GALNT14: variants seen among roughly 807,000 people sequenced by gnomAD.
The protein encoded by GALNT14 is polypeptide N-acetylgalactosaminyltransferase 14, also known as UDP-GalNAc:polypeptide N-acetylgalactosaminyltransferase 14.
In GALNT14, 60 loss-of-function variants were observed where a neutral mutation model predicts 77.5. The ratio of observed to expected loss-of-function variants is 0.77; its 90% CI spans 0.63 to 0.96. The LOEUF (loss-of-function observed/expected upper bound fraction) is 0.96. Among genes scored for constraint, GALNT14 ranks in the 40% least tolerant of loss-of-function variants. The pLI is 0.00. For synonymous variants in GALNT14, 280 were observed against 281.7 expected, an observed-to-expected ratio of 0.99 and a Z score of 0.06; for missense variants, 710 against 731.0, an observed-to-expected ratio of 0.97 and a Z score of 0.33.
chr2:30,942,855 G>C (rs1025224473), intron 8 of GALNT14, among the ~76,000 whole-genome samples: 2 of 152,164 alleles, frequency 1.3e-5, no homozygotes, highest in African/African-American at 4.8e-5. Flanking sequence ...ATATGCTGGA[G>C]TCCTAACTCC....
chr2:31,038,406 T>A (rs1435173537), intron 1 of GALNT14, among the ~76,000 whole-genome samples: 1 of 152,040 alleles, frequency 6.6e-6, no homozygotes, highest in East Asian at 1.9e-4. Context: ...ACCATTGATA[T>A]TTTTGACAAA....
downstream of GALNT14, among the ~76,000 whole-genome samples, chr2:30,906,740 A>G (rs1664154507): frequency 6.6e-6 from 1 of 152,174 alleles, no homozygotes. Context: ...CTCCACCCCA[A>G]ATCAACAGAA....
At chr2:30,968,124 TG>T (rs1458090695) in intron 2 of GALNT14, among the ~76,000 whole-genome samples, 1 of 152,244 alleles carries the variant, frequency 6.6e-6, no homozygotes, top group Non-Finnish European at 1.5e-5. Context: ...CTCCTCAACT[TG>T]ACTGTGAGTT....
chr2:31,064,969 T>C lies in GALNT14; in HGVS notation c.130-71962A>G, dbSNP rs1245264047. Among the ~76,000 whole-genome samples the C allele has an allele frequency of 1.3e-4, 19 of 150,732 alleles. No individual in the cohort carries two copies. In the Admixed American group the frequency reaches 1.3e-3, roughly 10 times the overall value. Reference sequence around the variant, plus strand: ...TTAAAGTGATTTGTCTCCTCCCTCCTTGCTGGCAGATGAAGCGCTCACACT... The same window carrying C: ...TTAAAGTGATTTGTCTCCTCCCTCCCTGCTGGCAGATGAAGCGCTCACACT... On this transcript the variant is annotated intron_variant, in intron 1 of 14. Transcript: ENST00000349752.
intron 3 of GALNT14, among the ~76,000 whole-genome samples, chr2:30,965,057 T>C (rs1427445792): frequency 6.6e-6 from 1 of 152,094 alleles, no homozygotes; most frequent in South Asian, 2.1e-4. Flanking sequence ...CCGCGTTTCA[T>C]GGGGACATGG....
intron 13 of GALNT14, among the ~76,000 whole-genome samples, chr2:30,914,747 A>T (rs1664572971): frequency 6.6e-6 from 1 of 152,238 alleles, no homozygotes; most frequent in Admixed American, 6.5e-5. Flanking sequence ...CTAGAGACAC[A>T]GTCCACCCTC....
chr2:30,932,129 GC>G lies in GALNT14; in HGVS notation c.996del (p.His333ThrfsTer20), dbSNP rs771414437. ...SLEIVPCSRV[G>X]HVFRKKHPYV... ...TAGGGGTGCTTCTTCCGGAAGACGT[GC>G]CCCACTCGGCTGCAGGGGACGATCT... On this transcript the variant is annotated frameshift_variant, in exon 10 of 15. Transcript: ENST00000349752. LOFTEE classifies it high-confidence loss of function. The G allele has an allele frequency of 7.0e-6, 11 of 1,572,958 alleles. No individual in the cohort carries two copies. The highest frequency in any genetic ancestry group is 1.2e-5 in the South Asian group (1 of 85,656).
chr2:30,929,553 G>T lies in GALNT14; in HGVS notation c.1059-66C>A. On this transcript the variant is annotated intron_variant, in intron 10 of 14. Coordinates refer to ENST00000349752, the MANE Select transcript of GALNT14 (RefSeq NM_024572.4). ...TGTCTGAGAGGCCCTGTGAGTGCCA[G>T]TTAAAATACACATGTGTGGGCTGAG... is the stretch of plus-strand genomic sequence containing the variant. 4 of 1,199,048 alleles carry T rather than the reference G, an allele frequency of 3.3e-6. No individual in the cohort carries two copies. The South Asian group carries it at 5.2e-5, about 15-fold the overall frequency. 74.3% of individuals were successfully genotyped at this position (1,199,048 alleles called of 1,614,324 possible). A position where few individuals can be genotyped will look rare whatever the true frequency, so the allele number is the denominator to read the frequency against.
intron 2 of GALNT14, among the ~76,000 whole-genome samples, chr2:30,977,706 G>T (rs1324579373): frequency 6.6e-6 from 1 of 152,002 alleles, no homozygotes; most frequent in Non-Finnish European, 1.5e-5. Flanking sequence ...GAGGGTCAAG[G>T]GTCCTATGCC....
At position 30,912,347 on chromosome 2, in the gene GALNT14, G is replaced by A; in HGVS notation, c.1381-5C>T. ...GGTGTATGTGAAGGCCCATACCTGG[G>A]GAGAAAGAGACCAGGAAGGTTTGTT... On this transcript the variant is annotated splice_region_variant and splice_polypyrimidine_tract_variant and intron_variant, in intron 13 of 14. Coordinates refer to ENST00000349752, the MANE Select transcript of GALNT14 (RefSeq NM_024572.4). 1 of 1,613,654 alleles carries A rather than the reference G, an allele frequency of 6.2e-7. No homozygotes were observed. The highest frequency in any genetic ancestry group is 1.3e-5 in the African/African-American group (1 of 75,006).
At chr2:31,058,139 A>T (rs1033031159) in intron 1 of GALNT14, among the ~76,000 whole-genome samples, 2 of 152,108 alleles carry the variant, frequency 1.3e-5, no homozygotes. Flanking sequence ...AGTCCTTTCC[A>T]TGAAAGTCCC....
At chr2:31,076,629 A>ATATATATATATATATATTTTT (rs1553373502) in intron 1 of GALNT14, among the ~76,000 whole-genome samples, 3 of 101,892 alleles carry the variant, frequency 2.9e-5, no homozygotes, top group African/African-American at 9.3e-5. Flanking sequence ...ATATATATAT[A>ATATATATATATATATATTTTT]TTTTTTTTTT....
intron 12 of GALNT14, among the ~76,000 whole-genome samples, 154 bp downstream of exon 12, chr2:30,924,586 T>A (rs755699386): frequency 3.3e-5 from 5 of 152,026 alleles, no homozygotes; most frequent in Non-Finnish European, 5.9e-5. Context: ...TCCCTCCGGG[T>A]TTTAGGGGTG....
chr2:31,076,629 ATTTTTTTTTTTTT>A (rs35108670), intron 1 of GALNT14, among the ~76,000 whole-genome samples: 2 of 101,892 alleles, frequency 2.0e-5, no homozygotes, highest in African/African-American at 6.2e-5. Context: ...ATATATATAT[ATTTTTTTTTTTTT>A]TACATGTACA....
intron 1 of GALNT14, among the ~76,000 whole-genome samples, chr2:31,014,558 C>A (rs1206629378): frequency 6.6e-6 from 1 of 151,914 alleles, no homozygotes; most frequent in South Asian, 2.1e-4. Flanking sequence ...CAGTGGATGC[C>A]CCCTTCTGAA....
chr2:30,996,608 G>A (rs745902027), intron 1 of GALNT14, among the ~76,000 whole-genome samples: 5 of 152,250 alleles, frequency 3.3e-5, no homozygotes, highest in Admixed American at 1.3e-4. Context: ...AAGAGGGCCC[G>A]AGGCTGCTGG....
intron 1 of GALNT14, among the ~76,000 whole-genome samples, chr2:31,057,348 A>G (rs909774020): frequency 1.3e-4 from 15 of 111,928 alleles, no homozygotes; most frequent in Middle Eastern, 4.4e-3. Flanking sequence ...ACGTATATAT[A>G]TGTGTGTGTG....
intron 1 of GALNT14, among the ~76,000 whole-genome samples, chr2:31,116,326 C>G (rs1186792847): frequency 6.6e-6 from 1 of 151,966 alleles, no homozygotes; most frequent in East Asian, 1.9e-4. Flanking sequence ...GCTGAACATT[C>G]TTATTAAAAT....
intron 13 of GALNT14, among the ~76,000 whole-genome samples, chr2:30,913,195 G>A (rs985897049): frequency 2.6e-5 from 4 of 152,044 alleles, no homozygotes; most frequent in Non-Finnish European, 4.4e-5. Flanking sequence ...TGGCATAAGC[G>A]TTTTCTCCCC....
Sources: allele counts gnomAD v4.1 joint callset (sites outside exome capture counted in the v4.1 genomes callset), GRCh38; gene constraint gnomAD v4.1.1; transcripts MANE v1.5; gene names NCBI Gene and HGNC (gene_info 2026-07-23, HGNC 2026-07-21).